EEF1AKMT2: variants seen among roughly 807,000 people sequenced by gnomAD.
EEF1AKMT2 encodes the protein EEF1A lysine methyltransferase 2.
A neutral mutation model predicts 35.8 loss-of-function variants in EEF1AKMT2; 32 were observed. The observed-to-expected ratio is 0.89, with a 90% CI of 0.67 to 1.20. The LOEUF (loss-of-function observed/expected upper bound fraction) is 1.20, where lower values mean the gene tolerates loss of function less well. Ranked by LOEUF, EEF1AKMT2 falls within the 50% of genes most tolerant of loss-of-function variation. The pLI is 0.00. For missense variants in EEF1AKMT2, 330 were observed against 347.5 expected (o/e 0.95, Z 0.40); for synonymous variants, 121 against 133.7 (o/e 0.91, Z 0.65).
At chr10:124,772,846 T>C (rs1283340617) in intron 4 of EEF1AKMT2, among the ~76,000 whole-genome samples, 1 of 152,230 alleles carries the variant, frequency 6.6e-6, no homozygotes, top group Non-Finnish European at 1.5e-5. Flanking sequence ...GGCCTTGCTC[T>C]GGATTAGGCT....
intron 3 of EEF1AKMT2, among the ~76,000 whole-genome samples, chr10:124,780,249 C>G (rs115325062): frequency 6.6e-6 from 1 of 152,092 alleles, no homozygotes; most frequent in African/African-American, 2.4e-5. Flanking sequence ...AGATTTGACC[C>G]GTAGACTGTG....
intron 4 of EEF1AKMT2, among the ~76,000 whole-genome samples, chr10:124,771,642 G>A (rs749583132): frequency 6.6e-6 from 1 of 151,986 alleles, no homozygotes; most frequent in African/African-American, 2.4e-5. Flanking sequence ...GGCCAAGGCA[G>A]GCGGATCACC....
chr10:124,770,749 A>G (rs1340616700), intron 4 of EEF1AKMT2, among the ~76,000 whole-genome samples: 1 of 152,236 alleles, frequency 6.6e-6, no homozygotes, highest in Non-Finnish European at 1.5e-5. Context: ...AACTAAGTTT[A>G]TGGAATATTC....
At chr10:124,767,539 AAAAG>A (rs1950390350) in intron 4 of EEF1AKMT2, among the ~76,000 whole-genome samples, 1 of 151,750 alleles carries the variant, frequency 6.6e-6, no homozygotes, top group South Asian at 2.1e-4. Context: ...AAAAGAAAAG[AAAAG>A]AAAGAAAATA....
chr10:124,757,166 C>CCA (rs55709011), downstream of EEF1AKMT2, among the ~76,000 whole-genome samples: 2,041 of 143,258 alleles, frequency 0.014, 27 homozygotes, highest in East Asian at 0.041. Flanking sequence ...ACACTCCCTC[C>CCA]CACACACACA....
chr10:124,756,890 T>A (rs1003011249), downstream of EEF1AKMT2, among the ~76,000 whole-genome samples: 1 of 152,192 alleles, frequency 6.6e-6, no homozygotes, highest in Non-Finnish European at 1.5e-5. Context: ...TTCTAACAAA[T>A]TGCATGGTGT....
At chr10:124,775,499 G>A (rs1950480717) in intron 3 of EEF1AKMT2, among the ~76,000 whole-genome samples, 1 of 151,992 alleles carries the variant, frequency 6.6e-6, no homozygotes, top group Non-Finnish European at 1.5e-5. Context: ...AACATTTTTA[G>A]ACCAATGAGA....
rs1466008399 is a variant in EEF1AKMT2 at position 124,759,971 on chromosome 10, T to C, written c.*532A>G. The C allele has an allele frequency of 1.3e-5, 2 of 157,978 alleles. No individual in the cohort carries two copies. The highest frequency in any genetic ancestry group is 6.5e-5 in the Admixed American group (1 of 15,450). 9.8% of individuals were successfully genotyped at this position (157,978 alleles called of 1,614,324 possible). A position where few individuals can be genotyped will look rare whatever the true frequency, so the allele number is the denominator to read the frequency against. On this transcript the variant is annotated 3_prime_UTR_variant, in exon 7 of 7. Transcript: ENST00000368836. ...ACACAAAATAGTATTTCTTGTTATA[T>C]TTCATAAACAGTCTAACAAAACACT...
chr10:124,757,127 C>T (rs763268853), downstream of EEF1AKMT2, among the ~76,000 whole-genome samples: 17 of 150,330 alleles, frequency 1.1e-4, no homozygotes, highest in South Asian at 2.1e-4. Context: ...GTGAAATGTA[C>T]GAGACAAGAC....
chr10:124,786,963 A>AT lies in EEF1AKMT2; in HGVS notation c.291+2079dup, dbSNP rs774384401. On this transcript the variant is annotated intron_variant, in intron 3 of 6. Transcript: ENST00000368836. ...GAAACTGATATAATTGTACAAAAGAATTTTTTTTTTTTTTTGAGACGGAGT... is the reference window on the plus strand; with the variant it reads ...GAAACTGATATAATTGTACAAAAGAATTTTTTTTTTTTTTTTGAGACGGAGT... Among the ~76,000 whole-genome samples the AT allele has an allele frequency of 1.6e-3, 230 of 145,970 alleles. 1 individual carries two copies. Among genetic ancestry groups the AT allele is most frequent in the East Asian group, 2.8e-3 (14 of 5,010 alleles).
chr10:124,765,461 C>T lies in EEF1AKMT2; in HGVS notation c.547G>A (p.Val183Ile). 6.2e-7 allele frequency: 1 copy of T among 1,614,002 alleles called. No individual in the cohort carries two copies. The highest frequency in any genetic ancestry group is 8.5e-7 in the Non-Finnish European group (1 of 1,179,968). The change falls in exon 5 of 7, where the codon GTA becomes ATA. Residue 183 changes from valine (V) to isoleucine (I), a missense_variant. Coordinates refer to ENST00000368836, the MANE Select transcript of EEF1AKMT2 (RefSeq NM_212554.4). ...GACGTTATTAGAAAAAAGCCTTTTACTTTCAACACCCTGGAGAGAGATTTC... is the reference window on the plus strand; with the variant it reads ...GACGTTATTAGAAAAAAGCCTTTTATTTTCAACACCCTGGAGAGAGATTTC... ...YVKSLSRVLK[V>I]KGFFLITSCN...
intron 5 of EEF1AKMT2, among the ~76,000 whole-genome samples, chr10:124,763,323 A>G (rs1051324573): frequency 9.9e-5 from 15 of 152,224 alleles, no homozygotes; most frequent in African/African-American, 3.6e-4. Flanking sequence ...TCATGGAAAA[A>G]ATGCAAGATC....
chr10:124,762,387 C>A lies in EEF1AKMT2; in HGVS notation c.788G>T (p.Gly263Val), dbSNP rs770078514. 6.2e-6 allele frequency: 8 copies of A among 1,285,040 alleles called. No individual in the cohort carries two copies. The East Asian group carries it at 1.7e-4, about 27-fold the overall frequency. 79.6% of individuals were successfully genotyped at this position (1,285,040 alleles called of 1,614,324 possible). A position where few individuals can be genotyped will look rare whatever the true frequency, so the allele number is the denominator to read the frequency against. The change falls in exon 6 of 7, where the codon GGT becomes GTT. Residue 263 changes from glycine to valine, a missense_variant. Gly to Val is a moderately radical substitution (Grantham distance 109). Coordinates refer to ENST00000368836, the MANE Select transcript of EEF1AKMT2 (RefSeq NM_212554.4). ...ATCACTTGAGCCCAGGAGTTCCAGA[C>A]CAGCCTGGACAACATGGCAAAACCT... ...ETRFCHVVQA[G>V]LELLGSSDSP...
chr10:124,769,861 G>T (rs558526432), intron 4 of EEF1AKMT2, among the ~76,000 whole-genome samples: 2 of 139,370 alleles, frequency 1.4e-5, no homozygotes, highest in African/African-American at 5.4e-5. Context: ...CAGGAGAATC[G>T]CTTGAAACCG....
chr10:124,767,694 A>C (rs2134124004), intron 4 of EEF1AKMT2, among the ~76,000 whole-genome samples: 1 of 152,254 alleles, frequency 6.6e-6, no homozygotes, highest in African/African-American at 2.4e-5. Flanking sequence ...AAAGAGTAGA[A>C]ACTTTTCTTG....
chr10:124,778,710 G>T (rs1234214550), intron 3 of EEF1AKMT2, among the ~76,000 whole-genome samples: 1 of 138,744 alleles, frequency 7.2e-6, no homozygotes, highest in African/African-American at 2.6e-5. Context: ...GTGACGGCGT[G>T]AGACTCCGTA....
Position 124,790,282 on chromosome 10 carries a change from CCTGTATCT to C in EEF1AKMT2, c.159_166del (p.Asp54Ter). The C allele has an allele frequency of 6.2e-7, 1 of 1,608,926 alleles. No individual in the cohort carries two copies. Among genetic ancestry groups the C allele is most frequent in the Non-Finnish European group, 8.5e-7 (1 of 1,175,286 alleles). On this transcript the variant is annotated frameshift_variant, in exon 2 of 7. Coordinates refer to ENST00000368836, the MANE Select transcript of EEF1AKMT2 (RefSeq NM_212554.4). LOFTEE classifies it high-confidence loss of function. ...TCTTTTCCTAACTCACCAGATTTCA[CCTGTATCT>C]CCATATTCTCGGAAAGTTTGCAGTT...
intron 4 of EEF1AKMT2, among the ~76,000 whole-genome samples, chr10:124,772,430 T>C (rs964571826): frequency 2.4e-4 from 30 of 127,330 alleles, no homozygotes; most frequent in Non-Finnish European, 4.1e-4. Context: ...CTTTTTTTTT[T>C]TTTTTTTTTT....
At chr10:124,780,557 A>C (rs936852802) in intron 3 of EEF1AKMT2, among the ~76,000 whole-genome samples, 3 of 152,204 alleles carry the variant, frequency 2.0e-5, no homozygotes, top group African/African-American at 7.2e-5. Flanking sequence ...TTGGCCGACA[A>C]AGACAAAAAT....
Sources: allele counts gnomAD v4.1 joint callset (sites outside exome capture counted in the v4.1 genomes callset), GRCh38; gene constraint gnomAD v4.1.1; transcripts MANE v1.5; gene names NCBI Gene and HGNC (gene_info 2026-07-23, HGNC 2026-07-21).